GALNT5: variants seen among roughly 807,000 people sequenced by gnomAD.
The protein encoded by GALNT5 is UDP-GalNAc:polypeptide N-acetylgalactosaminyltransferase 5.
GALNT5 carries 72 observed loss-of-function variants against 85.4 expected under a neutral mutation model. The observed-to-expected ratio is 0.84, with a 90% confidence interval of 0.70 to 1.03. GALNT5 has a LOEUF of 1.03. Ranked by LOEUF, GALNT5 falls within the 50% of genes least tolerant of loss-of-function variation. GALNT5 has a pLI of 0.00. For synonymous variants in GALNT5, 404 were observed against 397.0 expected, an observed-to-expected ratio of 1.02 and a Z score of -0.21; for missense variants, 1,137 against 1,135.5, an observed-to-expected ratio of 1.00 and a Z score of -0.02.
chr2:157,277,952 G>T (rs1334916954), intron 1 of GALNT5, among the ~76,000 whole-genome samples: 1 of 152,150 alleles, frequency 6.6e-6, no homozygotes, highest in Non-Finnish European at 1.5e-5. Context: ...TTTTGCAGTG[G>T]CTGGTACCAG....
Position 157,259,539 on chromosome 2 carries a change from A to G in GALNT5, c.1454+3A>G. On this transcript the variant is annotated splice_donor_region_variant and intron_variant, in intron 1 of 9. Transcript: ENST00000259056. ...ATTGAAGACACCAGACCTGCTGGGTAAGACCTATTTCTCTTCTCTTTCCTC... is the reference window on the plus strand; with the variant it reads ...ATTGAAGACACCAGACCTGCTGGGTGAGACCTATTTCTCTTCTCTTTCCTC... 2 of 1,327,422 alleles carry G rather than the reference A, an allele frequency of 1.5e-6. No homozygotes were observed. Among genetic ancestry groups the G allele is most frequent in the South Asian group, 3.0e-5 (1 of 33,634 alleles). The allele number at this position is 1,327,422 out of a possible 1,614,324, so 82.2% of individuals were successfully genotyped here.
chr2:157,311,472 T>A lies in GALNT5; in HGVS notation c.*124T>A, dbSNP rs77785010. Reference sequence around the variant, plus strand: ...TTTTAATAACATTTGAATGGAAGATTTTTTATAAATCACAATATTTGGAAT... The same window carrying A: ...TTTTAATAACATTTGAATGGAAGATATTTTATAAATCACAATATTTGGAAT... On this transcript the variant is annotated 3_prime_UTR_variant, in exon 10 of 10. Transcript: ENST00000259056. 2,161 of 646,172 alleles carry A rather than the reference T, an allele frequency of 3.3e-3. 45 individuals carry two copies. The African/African-American group carries it at 0.036, about 11-fold the overall frequency. The allele number at this position is 646,172 out of a possible 1,614,324, so 40.0% of individuals were successfully genotyped here.
chr2:157,263,459 C>T (rs1301923543), intron 1 of GALNT5, among the ~76,000 whole-genome samples: 1 of 152,088 alleles, frequency 6.6e-6, no homozygotes, highest in African/African-American at 2.4e-5. Flanking sequence ...GTAGCTGTGA[C>T]CTCTAAATTG....
Position 157,311,359 on chromosome 2 carries a change from A to C in GALNT5, c.*11A>C. On this transcript the variant is annotated 3_prime_UTR_variant, in exon 10 of 10. Coordinates refer to ENST00000259056, the MANE Select transcript of GALNT5 (RefSeq NM_014568.3). ...TATTATGAAGCCTGAAGTGTAACTG[A>C]TGTTTTTATATAGTAAACCCATTAA... 6.4e-7 allele frequency: 1 copy of C among 1,554,460 alleles called. No homozygotes were observed. Among genetic ancestry groups the C allele is most frequent in the Non-Finnish European group, 8.8e-7 (1 of 1,136,550 alleles).
At chr2:157,280,474 G>A (rs1429648618) in intron 1 of GALNT5, among the ~76,000 whole-genome samples, 1 of 152,222 alleles carries the variant, frequency 6.6e-6, no homozygotes, top group East Asian at 1.9e-4. Context: ...ACAACATATG[G>A]AGGGACTGAG....
chr2:157,296,316 T>A (rs1052828523), intron 4 of GALNT5, 78 bp from the exon 5 acceptor site: 6 of 1,127,262 alleles, frequency 5.3e-6, no homozygotes, highest in Non-Finnish European at 7.9e-6. Context: ...TTTGATTACA[T>A]CGTGAAGCCA....
intron 1 of GALNT5, among the ~76,000 whole-genome samples, chr2:157,273,945 G>A (rs1222711360): frequency 6.6e-6 from 1 of 151,898 alleles, no homozygotes; most frequent in Non-Finnish European, 1.5e-5. Flanking sequence ...ATTTACATTA[G>A]GTATTTCTCC....
At chr2:157,262,200 A>C (rs1388963417) in intron 1 of GALNT5, among the ~76,000 whole-genome samples, 11 of 149,236 alleles carry the variant, frequency 7.4e-5, no homozygotes, top group Non-Finnish European at 1.6e-4. Flanking sequence ...GAATGAACCA[A>C]AAAATGTAAA....
intron 3 of GALNT5, among the ~76,000 whole-genome samples, chr2:157,290,669 C>G (rs529504465): frequency 6.6e-6 from 1 of 152,140 alleles, no homozygotes; most frequent in South Asian, 2.1e-4. Flanking sequence ...TCTGACAGGC[C>G]TTGATGCTAC....
Position 157,258,552 on chromosome 2 carries a change from AG to A in GALNT5, c.474del (p.Thr159HisfsTer16), listed in dbSNP as rs1302372698. 6.2e-7 allele frequency: 1 copy of A among 1,612,262 alleles called. No homozygotes were observed. Among genetic ancestry groups the A allele is most frequent in the South Asian group, 1.1e-5 (1 of 90,850 alleles). On this transcript the variant is annotated frameshift_variant, in exon 1 of 10. Transcript: ENST00000259056. LOFTEE classifies it high-confidence loss of function. ...ACCAAACCTGAAGCCTCCTCTCACC[AG>A]GGGACACCAAAGCAAACGACAGCTC... is the stretch of plus-strand genomic sequence containing the variant. ...RGTKPEASSH[Q>X]GTPKQTTAQG...
intron 1 of GALNT5, among the ~76,000 whole-genome samples, chr2:157,260,900 G>A (rs982869455): frequency 6.6e-6 from 1 of 152,208 alleles, no homozygotes; most frequent in Non-Finnish European, 1.5e-5. Context: ...CAGTCTTGAG[G>A]AGAATGCAGA....
At chr2:157,276,201 T>C (rs1353934534) in intron 1 of GALNT5, among the ~76,000 whole-genome samples, 1 of 152,234 alleles carries the variant, frequency 6.6e-6, no homozygotes, top group Non-Finnish European at 1.5e-5. Context: ...AGCTTTTTGA[T>C]GTGCCTCTGG....
rs77924754 is a variant in GALNT5 at position 157,289,710 on chromosome 2, A to G, written c.1741+3576A>G. Among the ~76,000 whole-genome samples the G allele has an allele frequency of 5.7e-3, 870 of 152,210 alleles. 31 individuals carry two copies. In the East Asian group the frequency reaches 0.11, roughly 19 times the overall value. ...TTTTTATTGACCTACCCCTTTGTAA[A>G]TTATAATCAATATTAATTACCCAAA... On this transcript the variant is annotated intron_variant, in intron 3 of 9. Transcript: ENST00000259056.
chr2:157,305,531 A>G (rs1683437162), intron 7 of GALNT5, among the ~76,000 whole-genome samples: 1 of 152,236 alleles, frequency 6.6e-6, no homozygotes. Context: ...ATGGCTGATC[A>G]CAGGCCAAAA....
At chr2:157,284,201 C>A in intron 1 of GALNT5, 81 bp from the exon 2 acceptor site, 1 of 1,099,350 alleles carries the variant, frequency 9.1e-7, no homozygotes, top group Non-Finnish European at 1.4e-6. Context: ...TATATGCACA[C>A]CATCGCACTC....
chr2:157,296,440 A>G lies in GALNT5; in HGVS notation c.1924A>G (p.Met642Val). 3 of 1,609,506 alleles carry G rather than the reference A, an allele frequency of 1.9e-6. No individual in the cohort carries two copies. Among genetic ancestry groups the G allele is most frequent in the Non-Finnish European group, 2.6e-6 (3 of 1,175,926 alleles). Residue 642 changes from methionine (M) to valine (V), a missense_variant, in exon 5 of 10, where the codon ATG becomes GTG. Met to Val is a conservative substitution (Grantham distance 21, BLOSUM62 1). Coordinates refer to ENST00000259056, the MANE Select transcript of GALNT5 (RefSeq NM_014568.3). ...NFQRGIFVWP[M>V]NFGWRTIPPD... ...TCAAAGAGGCATCTTTGTGTGGCCC[A>G]TGAACTTTGGTTGGAGAACAATTCC...
rs112355701 is a variant in GALNT5, at chr2:157,258,518, G to A, written c.436G>A (p.Gly146Arg). The A allele has an allele frequency of 1.2e-3, 1,916 of 1,611,792 alleles. 27 individuals carry two copies. The African/African-American group carries it at 0.022, about 18-fold the overall frequency. The change falls in exon 1 of 10, where the codon GGG becomes AGG. Residue 146 changes from glycine to arginine, a missense_variant. By Grantham distance (125) the Gly-to-Arg change is moderately radical. Coordinates refer to ENST00000259056, the MANE Select transcript of GALNT5 (RefSeq NM_014568.3). ...GACTCCTAACAAGCAGAAGACAGAC[G>A]GGAGAGGCACCAAACCTGAAGCCTC... ...PVTPNKQKTDGRGTKPEASSH... is the reference protein window; with the variant it reads ...PVTPNKQKTDRRGTKPEASSH...
At chr2:157,284,548 A>C (rs1484745139) in intron 2 of GALNT5, 100 bp downstream of exon 2, 15 of 830,088 alleles carry the variant, frequency 1.8e-5, no homozygotes, top group Non-Finnish European at 2.8e-5. Context: ...AATTTGATGA[A>C]GCATAAACAT....
At chr2:157,275,540 C>CA (rs1269406058) in intron 1 of GALNT5, among the ~76,000 whole-genome samples, 2 of 152,208 alleles carry the variant, frequency 1.3e-5, no homozygotes, top group African/African-American at 2.4e-5. Context: ...AGGTCCTCCA[C>CA]ATCCCTTGTA....
Sources: allele counts gnomAD v4.1 joint callset (sites outside exome capture counted in the v4.1 genomes callset), GRCh38; gene constraint gnomAD v4.1.1; transcripts MANE v1.5; gene names NCBI Gene and HGNC (gene_info 2026-07-23, HGNC 2026-07-21).